The following DAB1 variants were observed in gnomAD, a reference collection of about 807,000 sequenced individuals.
DAB1 encodes the protein DAB adaptor protein 1, also known as disabled homolog 1.
DAB1 carries 15 observed loss-of-function variants against 64.6 expected under a neutral mutation model. The observed-to-expected ratio is 0.23, with a 90% confidence interval of 0.16 to 0.36. The LOEUF (loss-of-function observed/expected upper bound fraction) is 0.36. Among genes scored for constraint, DAB1 ranks in the 10% least tolerant of loss-of-function variants. The pLI is 1.00. For missense variants in DAB1, 596 were observed against 706.7 expected, an observed-to-expected ratio of 0.84 and a Z score of 1.78; for synonymous variants, 235 against 251.9, an observed-to-expected ratio of 0.93 and a Z score of 0.64.
chr1:58,125,423 CTTACATATCACTTGA>C (rs1178629858), intron 5 of DAB1, among the ~76,000 whole-genome samples: 9 of 150,988 alleles, frequency 6.0e-5, no homozygotes, highest in African/African-American at 2.2e-4. Flanking sequence ...AGTCATAATA[CTTACATATCACTTGA>C]TACTTTTTTT....
At position 57,430,025 on chromosome 1, in the gene DAB1, C is replaced by T. The variant is rs566636204; in HGVS notation, n.626-138859G>A. Among the ~76,000 whole-genome samples, 64 of 151,862 alleles carry T rather than the reference C, an allele frequency of 4.2e-4. 1 individual carries two copies. In the South Asian group the frequency reaches 0.011, roughly 27 times the overall value. Reference sequence around the variant, plus strand: ...ATTTTTTTTCTATTTCTGTGAAAAACGTAATTAGCATTTTATAGGGATTAT... The same window carrying T: ...ATTTTTTTTCTATTTCTGTGAAAAATGTAATTAGCATTTTATAGGGATTAT... On this transcript the variant is annotated intron_variant and non_coding_transcript_variant, in intron 7 of 20. Transcript: ENST00000485760.
At chr1:58,501,491 C>A (rs567958064) in intron 3 of DAB1, among the ~76,000 whole-genome samples, 1 of 152,272 alleles carries the variant, frequency 6.6e-6, no homozygotes, top group Admixed American at 6.5e-5. Context: ...CTTACAGGGG[C>A]GATAAGGCCC....
At chr1:57,856,180 A>C (rs1653745501) in intron 1 of DAB1, among the ~76,000 whole-genome samples, 1 of 130,460 alleles carries the variant, frequency 7.7e-6, no homozygotes, top group African/African-American at 2.6e-5. Flanking sequence ...GCTAGAAAAG[A>C]GAAGAAGCTG....
chr1:58,223,920 T>C (rs2100331100), intron 4 of DAB1, among the ~76,000 whole-genome samples: 1 of 152,346 alleles, frequency 6.6e-6, no homozygotes, highest in East Asian at 1.9e-4. Context: ...ATATATTTTT[T>C]CCCCTTGAAA....
At chr1:58,012,158 A>G (rs1057487656) in intron 5 of DAB1, among the ~76,000 whole-genome samples, 6 of 152,204 alleles carry the variant, frequency 3.9e-5, no homozygotes, top group Admixed American at 1.3e-4. Context: ...GGACTGACCA[A>G]TCAGAGGCAA....
intron 7 of DAB1, among the ~76,000 whole-genome samples, chr1:57,627,387 T>G (rs770274035): frequency 3.3e-5 from 5 of 152,178 alleles, no homozygotes; most frequent in Non-Finnish European, 7.3e-5. Flanking sequence ...TTGATTCTGT[T>G]TCTCTAGTGA....
intron 11 of DAB1, among the ~76,000 whole-genome samples, chr1:57,020,246 T>G (rs1238178190): frequency 6.6e-6 from 1 of 152,228 alleles, no homozygotes; most frequent in African/African-American, 2.4e-5. Flanking sequence ...AAAGATTTGA[T>G]GCAGCTACAC....
intron 5 of DAB1, among the ~76,000 whole-genome samples, chr1:58,089,692 C>T (rs1287109581): frequency 6.6e-6 from 1 of 152,278 alleles, no homozygotes; most frequent in South Asian, 2.1e-4. Flanking sequence ...TGGATAGCTC[C>T]GGTGCCCAGC....
chr1:57,003,615 G>T (rs1027332615), intron 14 of DAB1, among the ~76,000 whole-genome samples: 1 of 152,012 alleles, frequency 6.6e-6, no homozygotes, highest in Non-Finnish European at 1.5e-5. Context: ...ACAATGTTGT[G>T]CAACCATCAG....
chr1:57,016,014 C>G (rs1183944085), intron 11 of DAB1, among the ~76,000 whole-genome samples: 2 of 152,104 alleles, frequency 1.3e-5, no homozygotes, highest in African/African-American at 4.8e-5. Context: ...GTCTAGGGCT[C>G]CATGACTTTA....
rs1685140471 is a variant in DAB1, at chr1:57,423,992, C to T, written c.-199G>A. 2 of 152,046 alleles carry T rather than the reference C, an allele frequency of 1.3e-5. No homozygotes were observed. Among genetic ancestry groups the T allele is most frequent in the Admixed American group, 6.6e-5 (1 of 15,264 alleles). The allele number at this position is 152,046 out of a possible 1,614,324, so 9.4% of individuals were successfully genotyped here. A position where few individuals can be genotyped will look rare whatever the true frequency, so the allele number is the denominator to read the frequency against. On this transcript the variant is annotated 5_prime_UTR_variant, in exon 1 of 15. Coordinates refer to ENST00000371236, the MANE Select transcript of DAB1 (RefSeq NM_001365792.1). The stretch of plus-strand genomic sequence containing the variant: ...CCGCCCAGGAAGCGGCTCCCCATGC[C>T]CGGCGGGCGGCGGCACTCAGGCGCG...
intron 1 of DAB1, among the ~76,000 whole-genome samples, chr1:57,380,894 C>T (rs185616168): frequency 2.1e-4 from 32 of 152,258 alleles, no homozygotes; most frequent in Non-Finnish European, 4.4e-4. Flanking sequence ...CATGCAGCAC[C>T]TCAATCCATT....
At chr1:58,452,778 C>G (rs541727371) in intron 3 of DAB1, among the ~76,000 whole-genome samples, 1 of 150,960 alleles carries the variant, frequency 6.6e-6, no homozygotes, top group South Asian at 2.1e-4. Context: ...CGGTGAGCCA[C>G]GATTAAGCAA....
At chr1:57,712,191 G>A (rs537196765) in intron 6 of DAB1, among the ~76,000 whole-genome samples, 3 of 152,110 alleles carry the variant, frequency 2.0e-5, no homozygotes, top group African/African-American at 4.8e-5. Flanking sequence ...TTAGAAACAC[G>A]GTTCTGCTTA....
intron 6 of DAB1, among the ~76,000 whole-genome samples, chr1:57,816,861 T>C (rs541828868): frequency 2.0e-4 from 30 of 152,340 alleles, no homozygotes; most frequent in African/African-American, 5.8e-4. Context: ...ATGCCTATTA[T>C]GTACCGGGTA....
intron 6 of DAB1, among the ~76,000 whole-genome samples, chr1:57,699,890 T>G (rs1646887928): frequency 6.6e-6 from 1 of 152,078 alleles, no homozygotes; most frequent in Admixed American, 6.5e-5. Flanking sequence ...TCCAGCCTGG[T>G]GACAGAGTGA....
intron 3 of DAB1, among the ~76,000 whole-genome samples, chr1:58,401,834 T>C (rs1488811420): frequency 1.3e-5 from 2 of 152,254 alleles, no homozygotes; most frequent in Non-Finnish European, 2.9e-5. Context: ...ATACATAACA[T>C]ATTCTATATT....
intron 1 of DAB1, chr1:57,876,678 C>T (rs527793164): frequency 6.6e-6 from 1 of 152,202 alleles, no homozygotes; most frequent in South Asian, 2.1e-4. Flanking sequence ...TATTATTTTG[C>T]TTGGATATTT....
At chr1:58,104,709 T>G (rs1011765793) in intron 5 of DAB1, among the ~76,000 whole-genome samples, 1 of 152,172 alleles carries the variant, frequency 6.6e-6, no homozygotes, top group East Asian at 1.9e-4. Context: ...ACAGATGAGA[T>G]AGCTCACAAA....
Sources: allele counts gnomAD v4.1 joint callset (sites outside exome capture counted in the v4.1 genomes callset), GRCh38; gene constraint gnomAD v4.1.1; transcripts MANE v1.5; gene names NCBI Gene and HGNC (gene_info 2026-07-23, HGNC 2026-07-21).